Variants in SH3D21 observed in about 807,000 individuals in gnomAD.
SH3D21 encodes the protein manchette microtubule inner protein 1.
A neutral mutation model predicts 82.1 loss-of-function variants in SH3D21; 83 were observed. The ratio of observed to expected loss-of-function variants is 1.01; its 90% CI spans 0.85 to 1.21. The LOEUF (loss-of-function observed/expected upper bound fraction) is 1.21, where lower values mean the gene tolerates loss of function less well. Among genes scored for constraint, SH3D21 ranks in the 50% most tolerant of loss-of-function variants. The pLI is 0.00. For missense variants in SH3D21, 980 were observed against 962.1 expected, an observed-to-expected ratio of 1.02 and a Z score of -0.25; for synonymous variants, 383 against 387.8, an observed-to-expected ratio of 0.99 and a Z score of 0.15.
rs1646138008 is a variant in SH3D21, at chr1:36,306,983, T to C, written c.226+78T>C. On this transcript the variant is annotated intron_variant, in intron 3 of 15. Transcript: ENST00000453908. This position sits in a 1 kb window ranked among gnomAD's most constrained non-coding sequence, Gnocchi z 4.5. ...CGACCCCGGCGTCTCCGGCTCTTAG[T>C]GACGGGCGCGGCTCTGGGCGGGACC... 7.3e-7 allele frequency: 1 copy of C among 1,376,638 alleles called. No homozygotes were observed. Among genetic ancestry groups the C allele is most frequent in the Admixed American group, 3.1e-5 (1 of 31,946 alleles). The allele number at this position is 1,376,638 out of a possible 1,614,324, so 85.3% of individuals were successfully genotyped here. A position where few individuals can be genotyped will look rare whatever the true frequency, so the allele number is the denominator to read the frequency against.
chr1:36,320,217 T>C lies in SH3D21; in HGVS notation c.1554T>C (p.Phe518=). The C allele has an allele frequency of 6.2e-7, 1 of 1,613,230 alleles. No individual in the cohort carries two copies. The highest frequency in any genetic ancestry group is 8.5e-7 in the Non-Finnish European group (1 of 1,180,028). The part of the protein sequence containing the change: ...SEEALQKVKY[F]VAKEDPSSQE... ...AAGCCCTGCAGAAGGTCAAGTACTT[T>C]GTAGCCAAAGAGGATCCATCATCCC... Residue 518 remains phenylalanine (F), a synonymous_variant, in exon 14 of 16, where the codon TTT becomes TTC. Coordinates refer to ENST00000453908, the MANE Select transcript of SH3D21 (RefSeq NM_001162530.2).
Position 36,306,368 on chromosome 1 carries a change from A to AG in SH3D21, c.-52dup. 1 of 1,305,202 alleles carries AG rather than the reference A, an allele frequency of 7.7e-7. No individual in the cohort carries two copies. Among genetic ancestry groups the AG allele is most frequent in the Non-Finnish European group, 1.0e-6 (1 of 988,914 alleles). 80.9% of individuals were successfully genotyped at this position (1,305,202 alleles called of 1,614,324 possible). A position where few individuals can be genotyped will look rare whatever the true frequency, so the allele number is the denominator to read the frequency against. ...CTCAGGTCGCACCCTGCGCGGGCCCAGTACTCGGCCGTCAGAGGGAGCTGC... is the reference window on the plus strand; with the variant it reads ...CTCAGGTCGCACCCTGCGCGGGCCCAGGTACTCGGCCGTCAGAGGGAGCTGC... On this transcript the variant is annotated 5_prime_UTR_variant, in exon 1 of 16. Transcript: ENST00000453908. The surrounding 1 kb of genome is among the most constrained non-coding windows in gnomAD (Gnocchi z 4.5).
downstream of SH3D21, chr1:36,323,084 G>A (rs1001333537): frequency 1.1e-5 from 18 of 1,580,790 alleles, no homozygotes; most frequent in Non-Finnish European, 1.5e-5. Flanking sequence ...GGTCAGCAAA[G>A]TCAGATCCTT....
downstream of SH3D21, chr1:36,322,883 C>A (rs1157646839): frequency 6.5e-6 from 10 of 1,534,218 alleles, no homozygotes; most frequent in South Asian, 2.3e-5. Flanking sequence ...GGGAGCGGGG[C>A]GGAGGGGACG....
downstream of SH3D21, chr1:36,323,033 T>A (rs1203961674): frequency 1.9e-6 from 3 of 1,599,416 alleles, no homozygotes; most frequent in Non-Finnish European, 8.5e-7. Flanking sequence ...TCGCGGGGCA[T>A]CCATGCTGCT....
chr1:36,308,807 A>T (rs994804740), intron 9 of SH3D21, among the ~76,000 whole-genome samples: 5 of 151,990 alleles, frequency 3.3e-5, no homozygotes, highest in Non-Finnish European at 7.4e-5. Context: ...ACATGGTGAA[A>T]CCCCATCTTT....
At chr1:36,311,702 T>C (rs948022370) in intron 10 of SH3D21, among the ~76,000 whole-genome samples, 4 of 152,120 alleles carry the variant, frequency 2.6e-5, no homozygotes, top group Non-Finnish European at 5.9e-5. Flanking sequence ...GGGGTTTCTT[T>C]TTTTTTTGAG....
chr1:36,310,245 C>T (rs897386741), intron 10 of SH3D21, among the ~76,000 whole-genome samples: 9 of 152,180 alleles, frequency 5.9e-5, no homozygotes, highest in African/African-American at 1.4e-4. Context: ...TGAGCCACTG[C>T]GCCCAGCCTT....
chr1:36,328,234 G>A, downstream of SH3D21: 3 of 429,224 alleles, frequency 7.0e-6, no homozygotes, highest in Admixed American at 7.3e-5. Context: ...ACTTGTGAGT[G>A]CTGGCATATT....
chr1:36,306,481 C>A lies in SH3D21; in HGVS notation c.4+57C>A. On this transcript the variant is annotated intron_variant, in intron 1 of 15. Coordinates refer to ENST00000453908, the MANE Select transcript of SH3D21 (RefSeq NM_001162530.2). This position sits in a 1 kb window ranked among gnomAD's most constrained non-coding sequence, Gnocchi z 4.5. ...CTGCAACCGTGGACATAGCAAGAGC[C>A]CACACCACCCCCCGACCCCCGCTGC... 1 of 1,305,128 alleles carries A rather than the reference C, an allele frequency of 7.7e-7. No individual in the cohort carries two copies. Among genetic ancestry groups the A allele is most frequent in the Non-Finnish European group, 1.0e-6 (1 of 988,908 alleles). 80.8% of individuals were successfully genotyped at this position (1,305,128 alleles called of 1,614,324 possible).
At chr1:36,312,773 C>T (rs754216202) in intron 10 of SH3D21, among the ~76,000 whole-genome samples, 5 of 152,072 alleles carry the variant, frequency 3.3e-5, no homozygotes, top group African/African-American at 4.8e-5. Context: ...TGCAGTGGCG[C>T]GATCTCAGCT....
downstream of SH3D21, among the ~76,000 whole-genome samples, chr1:36,325,696 C>T (rs1404430919): frequency 2.0e-5 from 3 of 152,160 alleles, no homozygotes; most frequent in East Asian, 5.8e-4. Flanking sequence ...AGGCGCCTGC[C>T]ACCACGCCTG....
intron 10 of SH3D21, among the ~76,000 whole-genome samples, chr1:36,315,436 G>C (rs1156646905): frequency 6.6e-6 from 1 of 152,026 alleles, no homozygotes; most frequent in East Asian, 1.9e-4. Flanking sequence ...TGCAACCCCT[G>C]CCTCCTGGGT....
chr1:36,310,471 C>T (rs2124676926), intron 10 of SH3D21, among the ~76,000 whole-genome samples: 1 of 152,128 alleles, frequency 6.6e-6, no homozygotes, highest in South Asian at 2.1e-4. Flanking sequence ...CAAAAATTAG[C>T]CAGGCGTGGT....
chr1:36,317,300 A>C (rs1646361175), intron 10 of SH3D21, among the ~76,000 whole-genome samples: 1 of 152,234 alleles, frequency 6.6e-6, no homozygotes, highest in Non-Finnish European at 1.5e-5. Flanking sequence ...ACTAGCAAGG[A>C]GTGGAGCTGA....
chr1:36,322,535 C>A (rs1169384015), downstream of SH3D21: 1 of 1,600,412 alleles, frequency 6.2e-7, no homozygotes, highest in Non-Finnish European at 8.5e-7. Flanking sequence ...CCAGCCGAGT[C>A]ACCGTGTCCT....
At position 36,308,108 on chromosome 1, in the gene SH3D21, G is replaced by T; in HGVS notation, c.539-1G>T. ...AGGACAGTGGACTGACCTCTTCCCA[G>T]TCTCCCACCCTGAGGTCTACAGGGT... On this transcript the variant is annotated splice_acceptor_variant, in intron 7 of 15. Transcript: ENST00000453908. LOFTEE classifies it high-confidence loss of function. 1.3e-6 allele frequency: 2 copies of T among 1,547,340 alleles called. No homozygotes were observed. The highest frequency in any genetic ancestry group is 1.2e-5 in the South Asian group (1 of 83,580).
downstream of SH3D21, chr1:36,328,177 T>G (rs562868569): frequency 3.5e-5 from 16 of 455,066 alleles, no homozygotes; most frequent in Admixed American, 3.5e-4. Context: ...AGGACAGGCC[T>G]TGATGGAAGG....
chr1:36,320,663 A>G lies in SH3D21; in HGVS notation c.2000A>G (p.Gln667Arg), dbSNP rs1043711425. The change falls in exon 14 of 16, where the codon CAA (glutamine) becomes CGA (arginine). Residue 667 changes from glutamine (Q) to arginine (R), a missense_variant. By Grantham distance (43) the Gln-to-Arg change is conservative. Coordinates refer to ENST00000453908, the MANE Select transcript of SH3D21 (RefSeq NM_001162530.2). The stretch of plus-strand genomic sequence containing the variant: ...CCTATCAAGCCGCCTCCAGACTCCC[A>G]AGAGACGCTCGCGCTCCCCTCGCTG... Reference protein sequence around the residue: ...TRPIKPPPDSQETLALPSLVP... With the variant: ...TRPIKPPPDSRETLALPSLVP... The G allele has an allele frequency of 6.8e-6, 11 of 1,614,142 alleles. No homozygotes were observed. The highest frequency in any genetic ancestry group is 9.3e-6 in the Non-Finnish European group (11 of 1,180,038).
Sources: gnomAD v4.1 joint callset for allele counts (sites outside exome capture counted in the v4.1 genomes callset) on GRCh38, gnomAD v4.1.1 for gene constraint, Gnocchi (gnomAD v3.1) non-coding constraint, MANE v1.5 for transcripts, NCBI Gene and HGNC (gene_info 2026-07-23, HGNC 2026-07-21) for gene names.